TRPC5OS: variants seen among roughly 807,000 people sequenced by gnomAD.
TRPC5OS encodes the protein TRPC5 opposite strand.
For synonymous variants in TRPC5OS, 30 were observed against 29.3 expected, an observed-to-expected ratio of 1.02 and a Z score of -0.08; for missense variants, 64 against 79.3, an observed-to-expected ratio of 0.81 and a Z score of 0.73.
At chrX:111,887,482 C>T (rs1435110656) in intron 1 of TRPC5OS, among the ~76,000 whole-genome samples, 1 of 112,127 alleles carries the variant, frequency 8.9e-6, no homozygotes, top group African/African-American at 3.2e-5. Context: ...GAAGGTCTTT[C>T]CTCAAGGACT....
intron 1 of TRPC5OS, among the ~76,000 whole-genome samples, chrX:111,876,492 G>A (rs1483767416): frequency 1.8e-5 from 2 of 111,556 alleles, no homozygotes; most frequent in Non-Finnish European, 3.8e-5. Flanking sequence ...TATAAACATC[G>A]TTTATGTAAA....
intron 1 of TRPC5OS, among the ~76,000 whole-genome samples, chrX:111,894,286 A>G (rs895443010): frequency 8.9e-6 from 1 of 111,894 alleles, no homozygotes; most frequent in African/African-American, 3.2e-5. Context: ...TTAGACACTT[A>G]TTGCCAGTTT....
chrX:111,886,874 T>C (rs1924529067), intron 1 of TRPC5OS, among the ~76,000 whole-genome samples: 1 of 112,859 alleles, frequency 8.9e-6, no homozygotes, highest in Admixed American at 9.4e-5. Flanking sequence ...CACTATGTTA[T>C]CCTGAGGACA....
intron 1 of TRPC5OS, among the ~76,000 whole-genome samples, chrX:111,884,528 C>T (rs2081105675): frequency 8.9e-6 from 1 of 112,776 alleles, no homozygotes; most frequent in Non-Finnish European, 1.9e-5. Context: ...TAACCAGGGC[C>T]AAAGCCCAGT....
intron 1 of TRPC5OS, among the ~76,000 whole-genome samples, chrX:111,891,809 G>A (rs1290405834): frequency 9.0e-6 from 1 of 111,559 alleles, no homozygotes; most frequent in Non-Finnish European, 1.9e-5. Flanking sequence ...GGCCTCCCAA[G>A]GTACTGGGAT....
intron 1 of TRPC5OS, among the ~76,000 whole-genome samples, chrX:111,881,095 T>C (rs138605436): frequency 6.0e-4 from 67 of 112,224 alleles, no homozygotes; most frequent in African/African-American, 2.1e-3. Context: ...TGTACTGTAC[T>C]TAGGAATGCT....
intron 1 of TRPC5OS, among the ~76,000 whole-genome samples, chrX:111,883,297 C>G (rs1204602760): frequency 8.9e-6 from 1 of 112,308 alleles, no homozygotes; most frequent in Non-Finnish European, 1.9e-5. Flanking sequence ...TAGTTAAGTT[C>G]TAGTCAGCCC....
chrX:111,895,682 G>GT lies in TRPC5OS; in HGVS notation c.-545-268dup, dbSNP rs558693603. On this transcript the variant is annotated intron_variant, in intron 1 of 3. Coordinates refer to ENST00000635763, the MANE Select transcript of TRPC5OS (RefSeq NM_001195578.2). ...ATTATTAGTATTATTTTGGTATCTG[G>GT]TATGAGGTAAGGGTCATGGTTCCAT... Among the ~76,000 whole-genome samples, 18 of 110,334 alleles carry GT rather than the reference G, an allele frequency of 1.6e-4. No individual in the cohort carries two copies. In the South Asian group the frequency reaches 4.0e-3, roughly 24 times the overall value.
intron 1 of TRPC5OS, among the ~76,000 whole-genome samples, chrX:111,880,869 C>G (rs1924179294): frequency 8.9e-6 from 1 of 112,087 alleles, no homozygotes; most frequent in Non-Finnish European, 1.9e-5. Context: ...CCAAGTATTT[C>G]AGTATCTTAT....
At chrX:111,884,205 C>T (rs1000094580) in intron 1 of TRPC5OS, among the ~76,000 whole-genome samples, 4 of 112,493 alleles carry the variant, frequency 3.6e-5, no homozygotes, top group Admixed American at 9.4e-5. Flanking sequence ...AGCTAACTGA[C>T]TTGGTTAAGG....
At chrX:111,889,237 G>A (rs754321426) in intron 1 of TRPC5OS, among the ~76,000 whole-genome samples, 23 of 111,438 alleles carry the variant, frequency 2.1e-4, no homozygotes, top group African/African-American at 3.3e-4. Context: ...AAGATGAGAC[G>A]GAGAGCTGAT....
Position 111,883,085 on chromosome X carries a change from C to CA in TRPC5OS, c.-546+6831dup, listed in dbSNP as rs59699981. The stretch of plus-strand genomic sequence containing the variant: ...TGGGAAACAGAGCAAGACTCTGTCT[C>CA]AAAAAAAAAAAAAAAAAAAGACCTA... On this transcript the variant is annotated intron_variant, in intron 1 of 3. Coordinates refer to ENST00000635763, the MANE Select transcript of TRPC5OS (RefSeq NM_001195578.2). 6.0e-3 allele frequency among the ~76,000 whole-genome samples: 268 copies of CA among 44,986 alleles called. 3 individuals are homozygous for CA. Among genetic ancestry groups the CA allele is most frequent in the Middle Eastern group, 0.014 (1 of 69 alleles). 39.1% of individuals were successfully genotyped at this position (44,986 alleles called of 115,157 possible).
chrX:111,893,306 A>G (rs1742038367), intron 1 of TRPC5OS, among the ~76,000 whole-genome samples: 1 of 111,061 alleles, frequency 9.0e-6, no homozygotes, highest in African/African-American at 3.3e-5. Flanking sequence ...TGAAAACCAA[A>G]AAAATCTTTC....
chrX:111,899,924 A>C (rs1268917053), intron 3 of TRPC5OS, among the ~76,000 whole-genome samples: 1 of 111,198 alleles, frequency 9.0e-6, no homozygotes, highest in East Asian at 2.8e-4. Context: ...AATTGCCTCC[A>C]ACAAAATCGT....
chrX:111,876,458 G>A (rs942505484), intron 1 of TRPC5OS, among the ~76,000 whole-genome samples, 185 bp downstream of exon 1: 3 of 111,421 alleles, frequency 2.7e-5, no homozygotes, highest in African/African-American at 9.8e-5. Context: ...TTATTCAAGT[G>A]GGATACATAT....
At chrX:111,899,147 A>T (rs775238339) in intron 3 of TRPC5OS, among the ~76,000 whole-genome samples, 49 of 109,647 alleles carry the variant, frequency 4.5e-4, no homozygotes, top group African/African-American at 1.1e-3. Flanking sequence ...AATAAAAAAT[A>T]AAAAAAAAGC....
intron 1 of TRPC5OS, among the ~76,000 whole-genome samples, chrX:111,881,320 G>A (rs1240251913): frequency 9.1e-6 from 1 of 110,386 alleles, no homozygotes; most frequent in African/African-American, 3.3e-5. Context: ...GGGACTACAG[G>A]CACGCGCCAC....
rs140763504 is a variant in TRPC5OS, at chrX:111,891,837, G to A, written c.-545-4114G>A. On this transcript the variant is annotated intron_variant, in intron 1 of 3. Coordinates refer to ENST00000635763, the MANE Select transcript of TRPC5OS (RefSeq NM_001195578.2). ...ACTGGGATTACAGGAGTGAGCCACC[G>A]CGCTTGGCCGCTACACAGGATTATT... Among the ~76,000 whole-genome samples the A allele has an allele frequency of 8.0e-4, 89 of 111,894 alleles. No individual in the cohort carries two copies. In the East Asian group the frequency reaches 0.018, roughly 22 times the overall value.
At chrX:111,896,719 C>T (rs762561793) in intron 3 of TRPC5OS, among the ~76,000 whole-genome samples, 1 of 111,748 alleles carries the variant, frequency 8.9e-6, no homozygotes, top group Admixed American at 9.6e-5. Flanking sequence ...AGCTCTGGCC[C>T]TGAATAAGGC....
Sources: gnomAD v4.1 joint callset for allele counts (sites outside exome capture counted in the v4.1 genomes callset) on GRCh38, gnomAD v4.1.1 for gene constraint, MANE v1.5 for transcripts, NCBI Gene and HGNC (gene_info 2026-07-23, HGNC 2026-07-21) for gene names.